GK: variants seen among roughly 807,000 people sequenced by gnomAD.
GK encodes ATP:glycerol 3-phosphotransferase.
In GK, 9 loss-of-function variants were observed where a neutral mutation model predicts 56.4. The ratio of observed to expected loss-of-function variants is 0.16; its 90% CI spans 0.10 to 0.28. The LOEUF is 0.28. GK is among the 10% of genes least tolerant of loss of function. The pLI, the probability that GK is intolerant of heterozygous loss-of-function variation, is 1.00. For synonymous variants in GK, 104 were observed against 144.1 expected (o/e 0.72, Z 1.99); for missense variants, 161 against 431.4 (o/e 0.37, Z 5.55).
At chrX:30,690,987 T>C (rs779564268) in intron 4 of GK, 136 bp from the exon 5 acceptor site, 28 of 407,994 alleles carry the variant, frequency 6.9e-5, no homozygotes, top group Admixed American at 1.3e-4. Context: ...AATTTTCTAA[T>C]TTCTATCTCT....
At chrX:30,713,721 C>T (rs1936473198) in intron 13 of GK, among the ~76,000 whole-genome samples, 1 of 112,227 alleles carries the variant, frequency 8.9e-6, no homozygotes, top group Non-Finnish European at 1.9e-5. Flanking sequence ...AAATATTTCT[C>T]AGTAGTGGAA....
chrX:30,695,219 G>A (rs1192815278), intron 6 of GK: 11 of 803,156 alleles, frequency 1.4e-5, no homozygotes, highest in Non-Finnish European at 1.7e-5. Flanking sequence ...CACAGAGCAG[G>A]TCTTTCAGAA....
chrX:30,678,843 T>G (rs1390272406), intron 4 of GK, among the ~76,000 whole-genome samples: 2 of 98,881 alleles, frequency 2.0e-5, no homozygotes, highest in African/African-American at 7.3e-5. Context: ...CCCACCACCA[T>G]GCCCAGCTAT....
chrX:30,692,938 G>A (rs1935042874), intron 5 of GK, among the ~76,000 whole-genome samples: 1 of 106,974 alleles, frequency 9.3e-6, no homozygotes, highest in Non-Finnish European at 1.9e-5. Flanking sequence ...GTAGTTAGGT[G>A]ATAAATAAGA....
chrX:30,669,225 A>C (rs1933300399), intron 3 of GK, among the ~76,000 whole-genome samples: 1 of 99,412 alleles, frequency 1.0e-5, no homozygotes, highest in Non-Finnish European at 2.0e-5. Flanking sequence ...TCTTGTCCCC[A>C]AGGCTGGAGT....
intron 4 of GK, among the ~76,000 whole-genome samples, chrX:30,688,501 CA>C (rs34773549): frequency 0.058 from 1,968 of 33,870 alleles, 39 homozygotes; most frequent in African/African-American, 0.17. Flanking sequence ...GACTCTGTCT[CA>C]AAAAAAAAAA....
intron 5 of GK, among the ~76,000 whole-genome samples, chrX:30,693,011 C>CTTTTTTTTTTTTTT (rs1184645786): frequency 7.1e-5 from 4 of 56,621 alleles, no homozygotes; most frequent in Admixed American, 2.3e-4. Context: ...TTTTTCTTTT[C>CTTTTTTTTTTTTTT]TTTTTTTTTT....
chrX:30,685,927 A>G (rs1327263764), intron 4 of GK, among the ~76,000 whole-genome samples: 1 of 112,237 alleles, frequency 8.9e-6, no homozygotes, highest in African/African-American at 3.2e-5. Context: ...CTGACGGACT[A>G]TAAGGCTTCA....
At chrX:30,678,495 T>C (rs1934063728) in intron 4 of GK, among the ~76,000 whole-genome samples, 1 of 111,723 alleles carries the variant, frequency 9.0e-6, no homozygotes, top group Non-Finnish European at 1.9e-5. Flanking sequence ...TCAGAAATTA[T>C]CAGAGAGGGG....
At chrX:30,660,461 A>C (rs111337963) in intron 1 of GK, among the ~76,000 whole-genome samples, 5,892 of 110,773 alleles carry the variant, frequency 0.053, 171 homozygotes, top group Non-Finnish European at 0.077. Flanking sequence ...TCTGTCATCT[A>C]TTAGTGGTGG....
chrX:30,714,631 C>T (rs770272570), intron 13 of GK, among the ~76,000 whole-genome samples: 3 of 111,586 alleles, frequency 2.7e-5, no homozygotes, highest in Admixed American at 9.5e-5. Context: ...GAAGCACGTA[C>T]ACATCACCAC....
intron 3 of GK, among the ~76,000 whole-genome samples, chrX:30,671,313 A>AC (rs55688168): frequency 1.7e-3 from 185 of 108,156 alleles, no homozygotes; most frequent in Non-Finnish European, 3.1e-3. Flanking sequence ...AAAAAAAAAA[A>AC]AACAACACTG....
At chrX:30,664,064 AT>A (rs763830163) in intron 1 of GK, among the ~76,000 whole-genome samples, 3,543 of 33,996 alleles carry the variant, frequency 0.1, 6 homozygotes, top group Middle Eastern at 0.2. Flanking sequence ...ATCTATATAT[AT>A]TTTATAGATA....
intron 9 of GK, among the ~76,000 whole-genome samples, chrX:30,699,525 C>T (rs866993777): frequency 4.2e-4 from 45 of 107,084 alleles, no homozygotes; most frequent in Admixed American, 1.0e-3. Context: ...CCATCATGCC[C>T]GGCTAATTTT....
chrX:30,705,489 C>A (rs1935950775), intron 11 of GK, among the ~76,000 whole-genome samples: 1 of 112,596 alleles, frequency 8.9e-6, no homozygotes, highest in African/African-American at 3.2e-5. Flanking sequence ...TGGGGTCAAC[C>A]CCCCTGCCCC....
intron 1 of GK, among the ~76,000 whole-genome samples, chrX:30,661,662 A>G (rs993567664): frequency 2.7e-5 from 3 of 111,145 alleles, no homozygotes; most frequent in African/African-American, 9.8e-5. Flanking sequence ...TCTGGGTTAC[A>G]TGTCCTTTCT....
chrX:30,658,323 T>G (rs909807688), intron 1 of GK, among the ~76,000 whole-genome samples: 12 of 111,473 alleles, frequency 1.1e-4, no homozygotes, highest in African/African-American at 3.9e-4. Context: ...CTTTTTGTTT[T>G]TTTTTTTTCT....
intron 2 of GK, among the ~76,000 whole-genome samples, chrX:30,665,863 GT>G (rs1933045424): frequency 8.9e-6 from 1 of 111,885 alleles, no homozygotes; most frequent in African/African-American, 3.2e-5. Context: ...AAGTCATTTA[GT>G]TTTGTGTTCC....
intron 13 of GK, among the ~76,000 whole-genome samples, chrX:30,709,296 G>T (rs995436326): frequency 7.2e-5 from 8 of 111,516 alleles, no homozygotes; most frequent in African/African-American, 2.6e-4. Flanking sequence ...CAGGGACAGG[G>T]GTCACTCGGT....
Sources: allele counts gnomAD v4.1 joint callset (sites outside exome capture counted in the v4.1 genomes callset), GRCh38; gene constraint gnomAD v4.1.1; transcripts MANE v1.5; gene names NCBI Gene and HGNC (gene_info 2026-07-23, HGNC 2026-07-21).